EPB41L1: variants seen among roughly 807,000 people sequenced by gnomAD.
EPB41L1 encodes the protein erythrocyte membrane protein band 4.1 like 1, also known as band 4.1-like protein 1.
Under a neutral mutation model 97.8 loss-of-function variants are expected in EPB41L1, and 29 were observed. The observed-to-expected ratio is 0.30, with a 90% CI of 0.22 to 0.40. EPB41L1 has a LOEUF of 0.40. Among genes scored for constraint, EPB41L1 ranks in the 10% least tolerant of loss-of-function variants. EPB41L1 has a pLI of 1.00. For synonymous variants in EPB41L1, 383 were observed against 459.2 expected, an observed-to-expected ratio of 0.83 and a Z score of 2.12; for missense variants, 812 against 1,162.3, an observed-to-expected ratio of 0.70 and a Z score of 4.38.
At chr20:36,152,113 GA>G (rs572936730), upstream of EPB41L1, 286 of 135,308 alleles carry the variant, frequency 2.1e-3, no homozygotes, top group Non-Finnish European at 2.2e-3. Context: ...TCTCAAAAAA[GA>G]AAAAAAAAAA....
Position 36,222,374 on chromosome 20 carries a change from G to T in EPB41L1, c.2617G>T (p.Glu873Ter). The T allele has an allele frequency of 1.2e-6, 2 of 1,614,038 alleles. No individual in the cohort carries two copies. The highest frequency in any genetic ancestry group is 1.7e-6 in the Non-Finnish European group (2 of 1,180,002). The stretch of plus-strand genomic sequence containing the variant: ...CAGAGAAACAGACCCATCCCCAGAG[G>T]AGAGGGACAAGAAGCCACAGGTAAG... ...VYRETDPSPE[E>*]RDKKPQES The change falls in exon 21 of 22, where the codon GAG becomes TAG. Residue 873 changes from glutamate to a stop codon, truncating the protein, a stop_gained. Transcript: ENST00000338074. LOFTEE classifies it high-confidence loss of function.
Position 36,209,374 on chromosome 20 carries a change from A to G in EPB41L1, c.1669-114A>G. ...TTTTCATTTCCTGGCCTGCTCTTCC[A>G]TTCAGGATGTCGACACAGCCCCGAG... On this transcript the variant is annotated intron_variant, in intron 14 of 21. Transcript: ENST00000338074. This position sits in a 1 kb window ranked among gnomAD's most constrained non-coding sequence, Gnocchi z 4.2. 2.4e-6 allele frequency: 3 copies of G among 1,230,368 alleles called. No homozygotes were observed. In the South Asian group the frequency reaches 4.7e-5, roughly 19 times the overall value. The allele number at this position is 1,230,368 out of a possible 1,614,324, so 76.2% of individuals were successfully genotyped here.
At chr20:36,202,289 T>C (rs2062539832) in intron 14 of EPB41L1, among the ~76,000 whole-genome samples, 1 of 152,218 alleles carries the variant, frequency 6.6e-6, no homozygotes, top group Admixed American at 6.5e-5. Context: ...TTGGGAAGTT[T>C]TCGTGTTGAA....
At position 36,203,655 on chromosome 20, in the gene EPB41L1, C is replaced by T. The variant is rs556273299; in HGVS notation, c.1668+5614C>T. 6.2e-4 allele frequency among the ~76,000 whole-genome samples: 95 copies of T among 152,340 alleles called. 1 individual carries two copies. The highest frequency in any genetic ancestry group is 3.5e-3 in the South Asian group (17 of 4,822). On this transcript the variant is annotated intron_variant, in intron 14 of 21. Coordinates refer to ENST00000338074, the MANE Select transcript of EPB41L1 (RefSeq NM_012156.2). ...GAAATGAGCAAAAGGACCTAGCTTC[C>T]GTAGGCTCTCAAAGCACGTCCCTTT... is the stretch of plus-strand genomic sequence containing the variant.
At chr20:36,161,622 C>T (rs1174319626) in intron 1 of EPB41L1, among the ~76,000 whole-genome samples, 4 of 151,928 alleles carry the variant, frequency 2.6e-5, no homozygotes, top group Non-Finnish European at 4.4e-5. Flanking sequence ...ATTACAGGCA[C>T]GTGCCACCTG....
chr20:36,101,239 A>T (rs1569009120), intron 1 of EPB41L1, among the ~76,000 whole-genome samples: 1 of 152,080 alleles, frequency 6.6e-6, no homozygotes. Context: ...CACCAGAAGA[A>T]AAAAAGGAGC....
At chr20:36,174,052 G>A (rs1405278857) in intron 2 of EPB41L1, 98 bp downstream of exon 2, 1 of 1,315,578 alleles carries the variant, frequency 7.6e-7, no homozygotes, top group Non-Finnish European at 1.1e-6. Context: ...GAGGAAAGAA[G>A]GAAACTAAGA....
chr20:36,111,617 C>G (rs929536160), intron 1 of EPB41L1, among the ~76,000 whole-genome samples: 1 of 152,010 alleles, frequency 6.6e-6, no homozygotes, highest in African/African-American at 2.4e-5. Flanking sequence ...AAAACCTCGT[C>G]TCTACTAAAA....
upstream of EPB41L1, chr20:36,153,147 C>A: frequency 2.2e-6 from 1 of 455,304 alleles, no homozygotes; most frequent in Non-Finnish European, 4.4e-6. Flanking sequence ...TACAAAGGGA[C>A]GCAATTGTAT....
At position 36,209,277 on chromosome 20, in the gene EPB41L1, G is replaced by A. The variant is rs747083080; in HGVS notation, c.1669-211G>A. Among the ~76,000 whole-genome samples the A allele has an allele frequency of 6.6e-6, 1 of 152,146 alleles. No homozygotes were observed. The highest frequency in any genetic ancestry group is 2.1e-4 in the South Asian group (1 of 4,826). ...ATCAGTGTGAGACCCTCAGAAAGGG[G>A]CATCTCCACTCTTGAGTCGTTTTTG... On this transcript the variant is annotated intron_variant, in intron 14 of 21. Transcript: ENST00000338074. This position sits in a 1 kb window ranked among gnomAD's most constrained non-coding sequence, Gnocchi z 4.2.
intron 19 of EPB41L1, 62 bp from the exon 20 acceptor site, chr20:36,221,802 C>T: frequency 1.4e-6 from 2 of 1,445,966 alleles, no homozygotes; most frequent in Non-Finnish European, 1.9e-6. Context: ...GGGTAGGTCC[C>T]CTCTTGAGGC....
At chr20:36,104,837 A>T (rs2058137675) in intron 1 of EPB41L1, among the ~76,000 whole-genome samples, 1 of 152,150 alleles carries the variant, frequency 6.6e-6, no homozygotes, top group South Asian at 2.1e-4. Context: ...GCACCCAAGA[A>T]CACCGAGTGA....
intron 1 of EPB41L1, among the ~76,000 whole-genome samples, chr20:36,167,176 A>G (rs908488428): frequency 6.6e-6 from 1 of 152,176 alleles, no homozygotes; most frequent in South Asian, 2.1e-4. Flanking sequence ...CTGTCCATGC[A>G]GAGGGAACAT....
intron 14 of EPB41L1, chr20:36,205,892 C>T (rs2062771546): frequency 7.8e-7 from 1 of 1,289,730 alleles, no homozygotes; most frequent in Non-Finnish European, 1.0e-6. Flanking sequence ...TACACTAGGC[C>T]AGAAGAGCTC....
At position 36,140,730 on chromosome 20, in the gene EPB41L1, A is replaced by G. The variant is rs1291377957; in HGVS notation, c.-10+28250A>G. ...AAGCCCAAGAAATGAATAGTGCAAGAGGAGGCCCAGAGTGAGGGCCATCCA... is the reference window on the plus strand; with the variant it reads ...AAGCCCAAGAAATGAATAGTGCAAGGGGAGGCCCAGAGTGAGGGCCATCCA... On this transcript the variant is annotated intron_variant, in intron 2 of 19. Transcript: ENST00000202028. Among the ~76,000 whole-genome samples the G allele has an allele frequency of 3.3e-5, 5 of 152,308 alleles. No homozygotes were observed. The East Asian group carries it at 9.7e-4, about 29-fold the overall frequency.
At chr20:36,140,104 G>T (rs906720587) in intron 2 of EPB41L1, among the ~76,000 whole-genome samples, 1 of 151,872 alleles carries the variant, frequency 6.6e-6, no homozygotes, top group Non-Finnish European at 1.5e-5. Context: ...ACCCAGGCTG[G>T]AGTGCAGAAG....
chr20:36,130,957 C>T (rs1373439554), intron 2 of EPB41L1, among the ~76,000 whole-genome samples: 2 of 150,830 alleles, frequency 1.3e-5, no homozygotes, highest in East Asian at 1.9e-4. Flanking sequence ...TACAGGAGCC[C>T]GCCACCACAC....
intron 11 of EPB41L1, among the ~76,000 whole-genome samples, chr20:36,193,329 C>T (rs1180666445): frequency 5.9e-5 from 9 of 152,180 alleles, no homozygotes; most frequent in Non-Finnish European, 1.2e-4. Context: ...CAGCCATCAA[C>T]ATAGGGTATT....
At chr20:36,135,946 T>C (rs147963610) in intron 2 of EPB41L1, among the ~76,000 whole-genome samples, 13 of 152,130 alleles carry the variant, frequency 8.5e-5, no homozygotes, top group Non-Finnish European at 7.4e-5. Context: ...CTCCAGAAAA[T>C]TTCCTCCCTT....
Sources: gnomAD v4.1 joint callset for allele counts (sites outside exome capture counted in the v4.1 genomes callset) on GRCh38, gnomAD v4.1.1 for gene constraint, Gnocchi (gnomAD v3.1) non-coding constraint, MANE v1.5 for transcripts, NCBI Gene and HGNC (gene_info 2026-07-23, HGNC 2026-07-21) for gene names.